The following STK33 variants were observed in gnomAD, a reference collection of about 807,000 sequenced individuals.
STK33 encodes the protein serine/threonine-protein kinase 33.
STK33 carries 52 observed loss-of-function variants against 58.0 expected under a neutral mutation model. The ratio of observed to expected loss-of-function variants is 0.90; its 90% CI spans 0.72 to 1.13. The LOEUF (loss-of-function observed/expected upper bound fraction) is 1.13. Ranked by LOEUF, STK33 falls within the 50% of genes most tolerant of loss-of-function variation. The probability of loss-of-function intolerance (pLI) is 0.00; values close to 1 mark genes in which losing one functional copy is unlikely to be tolerated. For missense variants in STK33, 630 were observed against 604.2 expected (o/e 1.04, Z -0.45); for synonymous variants, 215 against 200.1 (o/e 1.07, Z -0.63).
At chr11:8,488,742 G>A (rs1950362171) in intron 1 of STK33, among the ~76,000 whole-genome samples, 1 of 152,118 alleles carries the variant, frequency 6.6e-6, no homozygotes, top group Admixed American at 6.6e-5. Flanking sequence ...CTGGGGAGGG[G>A]AGAGTATCTT....
At chr11:8,522,927 G>C (rs1953616024) in intron 1 of STK33, among the ~76,000 whole-genome samples, 2 of 152,170 alleles carry the variant, frequency 1.3e-5, no homozygotes, top group African/African-American at 4.8e-5. Flanking sequence ...GAGTGCCTGG[G>C]ATTGCAGGCG....
intron 1 of STK33, among the ~76,000 whole-genome samples, chr11:8,560,078 T>C (rs1188761063): frequency 2.0e-5 from 3 of 152,174 alleles, no homozygotes. Flanking sequence ...ATGGTTTCTA[T>C]TACAAATGAT....
At chr11:8,584,314 A>G (rs1234848282) in intron 1 of STK33, among the ~76,000 whole-genome samples, 1 of 152,136 alleles carries the variant, frequency 6.6e-6, no homozygotes, top group African/African-American at 2.4e-5. Flanking sequence ...ATTCCAGAAC[A>G]AAGTCCTACA....
At chr11:8,523,579 C>T (rs1159283124) in intron 1 of STK33, among the ~76,000 whole-genome samples, 7 of 147,146 alleles carry the variant, frequency 4.8e-5, no homozygotes, top group African/African-American at 1.8e-4. Context: ...ATCTGGGAAG[C>T]GAAGAGCCCC....
chr11:8,528,304 GT>G lies in STK33; in HGVS notation c.-465-47691del, dbSNP rs1192345945. Among the ~76,000 whole-genome samples, 4 of 152,140 alleles carry G rather than the reference GT, an allele frequency of 2.6e-5. No individual in the cohort carries two copies. The East Asian group carries it at 7.7e-4, about 29-fold the overall frequency. On this transcript the variant is annotated intron_variant, in intron 1 of 15. Coordinates refer to ENST00000687296, the MANE Select transcript of STK33 (RefSeq NM_001352389.2). ...AAAAGTTACCGTAAGTTGTACAATTGTCCTTCACCATTATCCTCATATTCCT... is the reference window on the plus strand; with the variant it reads ...AAAAGTTACCGTAAGTTGTACAATTGCCTTCACCATTATCCTCATATTCCT...
rs117565395 is a variant in STK33, at chr11:8,472,935, A to G, written c.339+228T>C. ...AGATGAAACTATCCTCATTTTAGCT[A>G]ATGAAAATGTTCTCCACTTTAATTA... On this transcript the variant is annotated intron_variant, in intron 6 of 15. Coordinates refer to ENST00000687296, the MANE Select transcript of STK33 (RefSeq NM_001352389.2). Among the ~76,000 whole-genome samples, 1,001 of 152,318 alleles carry G rather than the reference A, an allele frequency of 6.6e-3. 6 individuals carry two copies. The highest frequency in any genetic ancestry group is 0.011 in the Non-Finnish European group (779 of 68,016).
intron 14 of STK33, among the ~76,000 whole-genome samples, chr11:8,420,482 G>A (rs1941755511): frequency 6.6e-6 from 1 of 152,112 alleles, no homozygotes; most frequent in Non-Finnish European, 1.5e-5. Flanking sequence ...AATTTCTAGT[G>A]AGAGGTATAG....
the STK33 span, among the ~76,000 whole-genome samples, chr11:8,356,273 T>C: frequency 6.6e-6 from 1 of 152,118 alleles, no homozygotes; most frequent in Non-Finnish European, 1.5e-5. Flanking sequence ...ACGTCCACCT[T>C]TGACTGTGAG....
intron 15 of STK33, among the ~76,000 whole-genome samples, 172 bp downstream of exon 15, chr11:8,413,323 G>C (rs1429759856): frequency 6.6e-6 from 1 of 152,186 alleles, no homozygotes; most frequent in Non-Finnish European, 1.5e-5. Flanking sequence ...AAACATGTAG[G>C]CCACCTCGCT....
At chr11:8,477,585 T>C (rs1438011154) in intron 2 of STK33, among the ~76,000 whole-genome samples, 1 of 152,190 alleles carries the variant, frequency 6.6e-6, no homozygotes, top group Non-Finnish European at 1.5e-5. Context: ...ATACTTACCA[T>C]ATCCTTCAAG....
chr11:8,335,493 C>A, the STK33 span, among the ~76,000 whole-genome samples: 1 of 152,188 alleles, frequency 6.6e-6, no homozygotes, highest in Non-Finnish European at 1.5e-5. Context: ...CTTCTTGAGG[C>A]AAGTCTGGTC....
rs145687633 is a variant in STK33, at chr11:8,464,572, A to T, written c.453+137T>A. The T allele has an allele frequency of 8.7e-3, 4,199 of 484,130 alleles. 26 individuals are homozygous for T. The highest frequency in any genetic ancestry group is 9.7e-3 in the Non-Finnish European group (2,691 of 277,338). The allele number at this position is 484,130 out of a possible 1,614,324, so 30.0% of individuals were successfully genotyped here. A position where few individuals can be genotyped will look rare whatever the true frequency, so the allele number is the denominator to read the frequency against. On this transcript the variant is annotated intron_variant, in intron 7 of 15. Coordinates refer to ENST00000687296, the MANE Select transcript of STK33 (RefSeq NM_001352389.2). ...CTTTCCGGGAGGCTAGAGAAATGCC[A>T]CGCTTCTCTGGGGGATCAGCCCAGG...
Position 8,457,381 on chromosome 11 carries a change from A to C in STK33, c.657T>G (p.Ile219Met). 6.2e-7 allele frequency: 1 copy of C among 1,606,102 alleles called. No individual in the cohort carries two copies. The highest frequency in any genetic ancestry group is 8.5e-7 in the Non-Finnish European group (1 of 1,174,428). The part of the protein sequence containing the change: ...HFSENETRWI[I>M]QSLASAIAYL... The stretch of plus-strand genomic sequence containing the variant: ...ATGCTATAGCTGATGCGAGACTTTG[A>C]ATGATCCACCTTGTCTCATTCTCTG... The change falls in exon 9 of 16, where the codon ATT (isoleucine) becomes ATG (methionine). Residue 219 changes from isoleucine to methionine, a missense_variant. Transcript: ENST00000687296.
At chr11:8,580,438 A>C (rs904935435) in intron 1 of STK33, among the ~76,000 whole-genome samples, 5 of 144,688 alleles carry the variant, frequency 3.5e-5, no homozygotes, top group Non-Finnish European at 7.6e-5. Flanking sequence ...TGATTTTTAG[A>C]TGGTTTTAGA....
chr11:8,378,892 T>C, the STK33 span, among the ~76,000 whole-genome samples: 4 of 152,130 alleles, frequency 2.6e-5, no homozygotes, highest in Non-Finnish European at 4.4e-5. Flanking sequence ...GACTTCAAAT[T>C]ATACTACAAG....
At chr11:8,555,350 C>T (rs973205339) in intron 1 of STK33, among the ~76,000 whole-genome samples, 1 of 152,018 alleles carries the variant, frequency 6.6e-6, no homozygotes, top group African/African-American at 2.4e-5. Context: ...TCAGTAATAG[C>T]ATATTGCACG....
intron 2 of STK33, among the ~76,000 whole-genome samples, 193 bp from the exon 3 acceptor site, chr11:8,477,476 T>C (rs1331593052): frequency 1.3e-5 from 2 of 152,168 alleles, no homozygotes; most frequent in Non-Finnish European, 2.9e-5. Context: ...ATATTGATTT[T>C]ATGGTACTTT....
At chr11:8,539,689 C>G (rs1180199430) in intron 1 of STK33, among the ~76,000 whole-genome samples, 1 of 152,112 alleles carries the variant, frequency 6.6e-6, no homozygotes, top group East Asian at 1.9e-4. Context: ...TGCCCCTTAG[C>G]AACTGATGCA....
At chr11:8,459,013 T>C (rs1386451451) in intron 8 of STK33, among the ~76,000 whole-genome samples, 1 of 152,206 alleles carries the variant, frequency 6.6e-6, no homozygotes, top group East Asian at 1.9e-4. Flanking sequence ...GCTTTTGAAC[T>C]GGACCATATT....
Sources: gnomAD v4.1 joint callset for allele counts (sites outside exome capture counted in the v4.1 genomes callset) on GRCh38, gnomAD v4.1.1 for gene constraint, MANE v1.5 for transcripts, NCBI Gene and HGNC (gene_info 2026-07-23, HGNC 2026-07-21) for gene names.